WDFY2: variants seen among roughly 807,000 people sequenced by gnomAD.
WDFY2 encodes the protein WD repeat and FYVE domain-containing protein 2.
A neutral mutation model predicts 56.4 loss-of-function variants in WDFY2; 36 were observed. The ratio of observed to expected loss-of-function variants is 0.64; its 90% confidence interval spans 0.49 to 0.84. WDFY2 has a LOEUF of 0.84. WDFY2 is among the 40% of genes least tolerant of loss of function. WDFY2 has a pLI of 0.00. For synonymous variants in WDFY2, 176 were observed against 183.7 expected (o/e 0.96, Z 0.34); for missense variants, 444 against 512.2 (o/e 0.87, Z 1.29).
intron 7 of WDFY2, among the ~76,000 whole-genome samples, 174 bp from the exon 8 acceptor site, chr13:51,751,136 T>C (rs1277351467): frequency 6.6e-6 from 1 of 152,028 alleles, no homozygotes; most frequent in African/African-American, 2.4e-5. Context: ...AGACTTATTT[T>C]AAATCCTGGA....
chr13:51,626,428 A>G (rs1954836983), intron 1 of WDFY2, among the ~76,000 whole-genome samples: 1 of 152,206 alleles, frequency 6.6e-6, no homozygotes, highest in Non-Finnish European at 1.5e-5. Context: ...ACACAAAAAT[A>G]TAGGAACATA....
At chr13:51,728,794 G>C (rs1952658427) in intron 6 of WDFY2, among the ~76,000 whole-genome samples, 1 of 152,120 alleles carries the variant, frequency 6.6e-6, no homozygotes, top group Admixed American at 6.5e-5. Flanking sequence ...TAGGACCCTG[G>C]TCTTCCCTGA....
rs745702549 is a variant in WDFY2 at position 51,739,120 on chromosome 13, A to G, written c.670A>G (p.Ile224Val). The change falls in exon 7 of 12, where the codon ATC (isoleucine) becomes GTC (valine). Residue 224 changes from isoleucine (I) to valine (V), a missense_variant. Ile to Val is a conservative substitution (Grantham distance 29). Coordinates refer to ENST00000298125, the MANE Select transcript of WDFY2 (RefSeq NM_052950.4). Reference sequence around the variant, plus strand: ...CTCAGGCAGTTCAGATCACTCTGTCATCATGTGGGACATCGGTGGGAGAAA... The same window carrying G: ...CTCAGGCAGTTCAGATCACTCTGTCGTCATGTGGGACATCGGTGGGAGAAA... ...LFSGSSDHSV[I>V]MWDIGGRKGT... The G allele has an allele frequency of 1.2e-5, 20 of 1,600,800 alleles. No homozygotes were observed. Among genetic ancestry groups the G allele is most frequent in the Non-Finnish European group, 1.6e-5 (19 of 1,173,954 alleles).
intron 6 of WDFY2, among the ~76,000 whole-genome samples, chr13:51,729,164 T>C (rs2138659464): frequency 6.6e-6 from 1 of 152,220 alleles, no homozygotes; most frequent in East Asian, 1.9e-4. Context: ...ACTCTCCACC[T>C]TTTCTTCTTG....
At chr13:51,701,569 T>C (rs1371208643) in intron 3 of WDFY2, among the ~76,000 whole-genome samples, 3 of 151,188 alleles carry the variant, frequency 2.0e-5, no homozygotes, top group Non-Finnish European at 4.4e-5. Context: ...AAATCTAAAT[T>C]TTCTCCATAA....
rs569169884 is a variant in WDFY2, at chr13:51,598,905, CTTT to C, written c.137+14101_137+14103del. Among the ~76,000 whole-genome samples, 6 of 115,778 alleles carry C rather than the reference CTTT, an allele frequency of 5.2e-5. 1 individual carries two copies. Among genetic ancestry groups the C allele is most frequent in the Middle Eastern group, 8.1e-3 (2 of 246 alleles). 76.0% of individuals were successfully genotyped at this position (115,778 alleles called of 152,430 possible). A position where few individuals can be genotyped will look rare whatever the true frequency, so the allele number is the denominator to read the frequency against. On this transcript the variant is annotated intron_variant, in intron 1 of 11. Coordinates refer to ENST00000298125, the MANE Select transcript of WDFY2 (RefSeq NM_052950.4). ...GGCACTGGTCCACAAGTGCCATTTA[CTTT>C]TTTTTTTTTTTTTTTTTTTGAGACA...
intron 5 of WDFY2, 116 bp downstream of exon 5, chr13:51,719,464 TG>T: frequency 8.6e-7 from 1 of 1,161,184 alleles, no homozygotes; most frequent in Non-Finnish European, 1.2e-6. Flanking sequence ...TTGCCCAGTG[TG>T]GATTACAATG....
At chr13:51,603,379 G>A (rs1954323703) in intron 1 of WDFY2, among the ~76,000 whole-genome samples, 1 of 152,196 alleles carries the variant, frequency 6.6e-6, no homozygotes. Context: ...GCCTGGAGCA[G>A]CAGGAGCCTC....
At chr13:51,652,529 G>T (rs1311525247) in intron 1 of WDFY2, among the ~76,000 whole-genome samples, 1 of 152,206 alleles carries the variant, frequency 6.6e-6, no homozygotes, top group Non-Finnish European at 1.5e-5. Context: ...GCATGTCTTT[G>T]CAGTGGCTGG....
intron 1 of WDFY2, among the ~76,000 whole-genome samples, chr13:51,654,743 A>G (rs1593942390): frequency 6.6e-6 from 1 of 152,138 alleles, no homozygotes; most frequent in South Asian, 2.1e-4. Context: ...GAAATTCCTA[A>G]CCATCCATAT....
At chr13:51,597,627 C>A (rs1233772084) in intron 1 of WDFY2, among the ~76,000 whole-genome samples, 1 of 152,114 alleles carries the variant, frequency 6.6e-6, no homozygotes, top group African/African-American at 2.4e-5. Flanking sequence ...GCAAAAAATC[C>A]TGGATGGATT....
chr13:51,745,548 A>G (rs1330832392), intron 7 of WDFY2, among the ~76,000 whole-genome samples: 2 of 152,010 alleles, frequency 1.3e-5, no homozygotes, highest in East Asian at 3.9e-4. Flanking sequence ...AGATCAGTAA[A>G]AATACTAAAA....
At chr13:51,596,489 T>C (rs938487020) in intron 1 of WDFY2, among the ~76,000 whole-genome samples, 1 of 152,232 alleles carries the variant, frequency 6.6e-6, no homozygotes, top group Admixed American at 6.5e-5. Flanking sequence ...CACCGAATCC[T>C]AAAAGGTTCT....
intron 6 of WDFY2, among the ~76,000 whole-genome samples, chr13:51,736,148 T>G (rs146943345): frequency 6.6e-6 from 1 of 152,356 alleles, no homozygotes; most frequent in East Asian, 1.9e-4. Context: ...TCTCCTGTAC[T>G]GTAATCATAG....
intron 2 of WDFY2, among the ~76,000 whole-genome samples, chr13:51,674,670 C>G (rs766994614): frequency 6.6e-6 from 1 of 152,148 alleles, no homozygotes; most frequent in Admixed American, 6.5e-5. Flanking sequence ...TTAATTCACA[C>G]GCCCCGAATC....
rs564584742 is a variant in WDFY2, at chr13:51,671,776, CT to C, written c.206-3369del. Among the ~76,000 whole-genome samples, 506 of 61,996 alleles carry C rather than the reference CT, an allele frequency of 8.2e-3. 3 individuals are homozygous for C. The highest frequency in any genetic ancestry group is 0.032 in the African/African-American group (438 of 13,856). 40.7% of individuals were successfully genotyped at this position (61,996 alleles called of 152,430 possible). ...ATTTATCTTTGATTTGTTGCATTTGCTTTTTTTTTTTTTTTTTTTTTTTTTG... is the reference window on the plus strand; with the variant it reads ...ATTTATCTTTGATTTGTTGCATTTGCTTTTTTTTTTTTTTTTTTTTTTTTG... On this transcript the variant is annotated intron_variant, in intron 2 of 11. Transcript: ENST00000298125.
chr13:51,766,055 A>G lies in WDFY2; in HGVS notation c.*6286A>G, dbSNP rs1396991896. The G allele has an allele frequency of 1.3e-5, 2 of 152,216 alleles. No individual in the cohort carries two copies. The highest frequency in any genetic ancestry group is 2.9e-5 in the Non-Finnish European group (2 of 68,040). 9.4% of individuals were successfully genotyped at this position (152,216 alleles called of 1,614,324 possible). On this transcript the variant is annotated 3_prime_UTR_variant, in exon 12 of 12. Transcript: ENST00000298125. Reference sequence around the variant, plus strand: ...AAATGATTTGAAAAATGTTTCACATATACACTTTTTATCATTTTAGTGGAT... The same window carrying G: ...AAATGATTTGAAAAATGTTTCACATGTACACTTTTTATCATTTTAGTGGAT...
At chr13:51,723,464 A>G (rs1952535419) in intron 5 of WDFY2, among the ~76,000 whole-genome samples, 1 of 149,908 alleles carries the variant, frequency 6.7e-6, no homozygotes, top group African/African-American at 2.5e-5. Flanking sequence ...TGCCCCCTTC[A>G]CTTTTTTTTA....
At chr13:51,745,258 G>A (rs904710939) in intron 7 of WDFY2, among the ~76,000 whole-genome samples, 1 of 151,986 alleles carries the variant, frequency 6.6e-6, no homozygotes, top group African/African-American at 2.4e-5. Context: ...GGAGAGATAG[G>A]GAAAACCCAA....
Sources: allele counts gnomAD v4.1 joint callset (sites outside exome capture counted in the v4.1 genomes callset), GRCh38; gene constraint gnomAD v4.1.1; transcripts MANE v1.5; gene names NCBI Gene and HGNC (gene_info 2026-07-23, HGNC 2026-07-21).